Variants in LRRC37A2 observed in about 807,000 individuals in gnomAD.
The protein encoded by LRRC37A2 is leucine rich repeat containing 37 member A2, also known as leucine-rich repeat-containing protein 37A2.
In LRRC37A2, 9 loss-of-function variants were observed where a neutral mutation model predicts 68.8. The ratio of observed to expected loss-of-function variants is 0.13; its 90% CI spans 0.08 to 0.23. The LOEUF is 0.23. Among genes scored for constraint, LRRC37A2 ranks in the 10% least tolerant of loss-of-function variants. The pLI, the probability that LRRC37A2 is intolerant of heterozygous loss-of-function variation, is 1.00. For synonymous variants in LRRC37A2, 63 were observed against 367.6 expected, an observed-to-expected ratio of 0.17 and a Z score of 9.48; for missense variants, 168 against 950.4, an observed-to-expected ratio of 0.18 and a Z score of 10.82.
the LRRC37A2 span, among the ~76,000 whole-genome samples, chr17:46,934,499 G>A: frequency 6.6e-6 from 1 of 152,286 alleles, no homozygotes; most frequent in Admixed American, 6.5e-5. Flanking sequence ...TCCACCCTGG[G>A]TGACAGAGGG....
the LRRC37A2 span, chr17:46,728,773 C>CAAAA: frequency 6.9e-6 from 5 of 720,922 alleles, no homozygotes; most frequent in South Asian, 2.3e-5. Context: ...ACTTTTGATG[C>CAAAA]AAAAAAAAAA....
the LRRC37A2 span, among the ~76,000 whole-genome samples, chr17:46,493,883 G>A: frequency 1.3e-5 from 2 of 150,674 alleles, no homozygotes; most frequent in Non-Finnish European, 2.9e-5. Context: ...CCACGCTGGA[G>A]TGCAGTGGCA....
the LRRC37A2 span, chr17:46,966,488 C>A: frequency 1.5e-6 from 1 of 669,074 alleles, no homozygotes; most frequent in Admixed American, 2.1e-5. Flanking sequence ...GTTGGAACTA[C>A]AGGTGCACCC....
the LRRC37A2 span, among the ~76,000 whole-genome samples, chr17:46,782,369 C>T: frequency 6.6e-6 from 1 of 152,150 alleles, no homozygotes; most frequent in Non-Finnish European, 1.5e-5. Flanking sequence ...TGGTGGGGGC[C>T]ACGGTGCTCC....
At chr17:47,033,786 G>T in the LRRC37A2 span, among the ~76,000 whole-genome samples, 2 of 152,188 alleles carry the variant, frequency 1.3e-5, no homozygotes, top group African/African-American at 4.8e-5. Context: ...CTGTCCCATT[G>T]TTCTACAGCA....
the LRRC37A2 span, among the ~76,000 whole-genome samples, chr17:46,953,497 G>A: frequency 6.8e-4 from 103 of 152,164 alleles, no homozygotes; most frequent in African/African-American, 2.2e-3. Context: ...GAATAGTGCC[G>A]CAATAAACAT....
the LRRC37A2 span, among the ~76,000 whole-genome samples, chr17:46,769,437 AG>A: frequency 6.6e-5 from 10 of 152,340 alleles, no homozygotes; most frequent in Admixed American, 3.3e-4. Context: ...AAGCATAGTA[AG>A]GGAGTGGAGG....
At chr17:47,023,093 GA>G in the LRRC37A2 span, among the ~76,000 whole-genome samples, 1 of 152,172 alleles carries the variant, frequency 6.6e-6, no homozygotes, top group African/African-American at 2.4e-5. Flanking sequence ...TGAAGTTATG[GA>G]TGAATAAAAG....
At chr17:46,889,590 C>T in the LRRC37A2 span, among the ~76,000 whole-genome samples, 1 of 152,158 alleles carries the variant, frequency 6.6e-6, no homozygotes, top group African/African-American at 2.4e-5. Context: ...TTCTTGGTCC[C>T]CTGTCATCCA....
chr17:47,039,045 G>C, the LRRC37A2 span, among the ~76,000 whole-genome samples: 1 of 150,210 alleles, frequency 6.7e-6, no homozygotes, highest in African/African-American at 2.4e-5. Context: ...TTATAGGGCA[G>C]GTCTTCTAGC....
chr17:46,875,085 T>G, the LRRC37A2 span: 2 of 1,613,408 alleles, frequency 1.2e-6, no homozygotes, highest in South Asian at 2.2e-5. Context: ...CCTATGCCCC[T>G]GGGTGCCCGA....
intron 8 of LRRC37A2, among the ~76,000 whole-genome samples, chr17:46,541,837 A>G (rs2055380226): frequency 1.3e-5 from 2 of 151,018 alleles, no homozygotes; most frequent in Admixed American, 6.6e-5. Flanking sequence ...AAAAGAACTC[A>G]GCATCTGTGG....
chr17:46,721,923 C>T, the LRRC37A2 span: 23 of 1,593,836 alleles, frequency 1.4e-5, no homozygotes, highest in Admixed American at 8.3e-5. Flanking sequence ...TTCTCCAATT[C>T]GCGTACTAGC....
the LRRC37A2 span, among the ~76,000 whole-genome samples, chr17:46,732,339 T>G: frequency 3.3e-5 from 5 of 152,070 alleles, no homozygotes; most frequent in Admixed American, 6.6e-5. Flanking sequence ...TTCTCTTTTC[T>G]CCTTCCACCC....
the LRRC37A2 span, chr17:46,768,363 C>A: frequency 6.2e-7 from 1 of 1,613,844 alleles, no homozygotes. The surrounding 1 kb of genome is among the most constrained non-coding windows in gnomAD (Gnocchi z 5.0). Context: ...ACACTCCTGG[C>A]AGCTGACGTA....
the LRRC37A2 span, among the ~76,000 whole-genome samples, chr17:46,954,050 T>C: frequency 2.6e-5 from 4 of 152,264 alleles, no homozygotes; most frequent in African/African-American, 9.6e-5. Flanking sequence ...TTAGATCCCA[T>C]TTGTCAATTT....
chr17:46,605,402 C>T, the LRRC37A2 span, among the ~76,000 whole-genome samples: 5 of 138,708 alleles, frequency 3.6e-5, no homozygotes, highest in Admixed American at 7.1e-5. Flanking sequence ...GAGCCGAGAT[C>T]GTGCCATTGC....
At chr17:46,863,522 A>G in the LRRC37A2 span, among the ~76,000 whole-genome samples, 1 of 152,274 alleles carries the variant, frequency 6.6e-6, no homozygotes, top group Admixed American at 6.5e-5. Flanking sequence ...GGAGAAGACA[A>G]AGAAAGAGGA....
chr17:46,802,368 C>T, the LRRC37A2 span, among the ~76,000 whole-genome samples: 8 of 152,198 alleles, frequency 5.3e-5, no homozygotes, highest in Non-Finnish European at 8.8e-5. Flanking sequence ...TGGGTTCAAG[C>T]GATTCTCCTG....
Sources: gnomAD v4.1 joint callset for allele counts (sites outside exome capture counted in the v4.1 genomes callset) on GRCh38, gnomAD v4.1.1 for gene constraint, Gnocchi (gnomAD v3.1) non-coding constraint, MANE v1.5 for transcripts, NCBI Gene and HGNC (gene_info 2026-07-23, HGNC 2026-07-21) for gene names.